The following CSMD1 variants were observed in gnomAD, a reference collection of about 807,000 sequenced individuals.
CSMD1 encodes CUB and sushi domain-containing protein 1.
Under a neutral mutation model 417.5 loss-of-function variants are expected in CSMD1, and 213 were observed. That is an observed-to-expected ratio of 0.51 (90% confidence interval 0.46 to 0.57). The LOEUF is 0.57. Ranked by LOEUF, CSMD1 falls within the 20% of genes least tolerant of loss-of-function variation. The pLI is 0.00. For synonymous variants in CSMD1, 2,862 were observed against 1,736.8 expected, an observed-to-expected ratio of 1.65 and a Z score of -16.11; for missense variants, 6,923 against 4,529.7, an observed-to-expected ratio of 1.53 and a Z score of -15.17.
chr8:3,579,947 T>C (rs998842152), intron 9 of CSMD1, among the ~76,000 whole-genome samples: 1 of 151,734 alleles, frequency 6.6e-6, no homozygotes, highest in Non-Finnish European at 1.5e-5. Flanking sequence ...CTACGAAACA[T>C]ACAAAAATTA....
rs13279785 is a variant in CSMD1 at position 4,401,626 on chromosome 8, G to A, written c.415+18327C>T. ...TCACCTCGGTCACCACAAGAATCCC[G>A]GATTCTGTGTCGTACCCGACCCTCC... is the stretch of plus-strand genomic sequence containing the variant. On this transcript the variant is annotated intron_variant, in intron 3 of 69. Coordinates refer to ENST00000635120, the MANE Select transcript of CSMD1 (RefSeq NM_033225.6). Among the ~76,000 whole-genome samples the A allele has an allele frequency of 8.5e-3, 1,296 of 152,094 alleles. 8 individuals carry two copies. The highest frequency in any genetic ancestry group is 0.012 in the Non-Finnish European group (845 of 67,988).
At chr8:4,238,244 C>G (rs1277125595) in intron 3 of CSMD1, among the ~76,000 whole-genome samples, 2 of 152,146 alleles carry the variant, frequency 1.3e-5, no homozygotes, top group East Asian at 1.9e-4. Flanking sequence ...TTCTATGTGC[C>G]AGACCCTGTG....
intron 4 of CSMD1, among the ~76,000 whole-genome samples, chr8:4,028,599 G>C (rs890301534): frequency 1.6e-4 from 25 of 152,206 alleles, no homozygotes; most frequent in African/African-American, 5.8e-4. Context: ...ATGACTTGCA[G>C]TGGAGCCTGT....
chr8:3,507,514 A>G (rs1008576386), intron 10 of CSMD1, among the ~76,000 whole-genome samples: 1 of 152,204 alleles, frequency 6.6e-6, no homozygotes. Context: ...CTTTGGGTAT[A>G]TACCTAGTAA....
intron 31 of CSMD1, among the ~76,000 whole-genome samples, chr8:3,204,334 G>T (rs1417517387): frequency 2.0e-5 from 3 of 151,640 alleles, no homozygotes; most frequent in Admixed American, 1.3e-4. Context: ...AATATATTTT[G>T]TCATGTTTCC....
chr8:3,877,829 AC>A, intron 5 of CSMD1, among the ~76,000 whole-genome samples: 1 of 152,324 alleles, frequency 6.6e-6, no homozygotes, highest in South Asian at 2.1e-4. Flanking sequence ...TATTTATAGA[AC>A]TGACTTAAAT....
At position 3,083,645 on chromosome 8, in the gene CSMD1, TATA is replaced by T. The variant is rs1174447730; in HGVS notation, c.7474+3449_7474+3451del. Among the ~76,000 whole-genome samples the T allele has an allele frequency of 7.5e-3, 215 of 28,682 alleles. 2 individuals are homozygous for T. Among genetic ancestry groups the T allele is most frequent in the Admixed American group, 0.048 (80 of 1,650 alleles). 18.8% of individuals were successfully genotyped at this position (28,682 alleles called of 152,430 possible). ...ATATATATATATATATATATATATA[TATA>T]TTTTTTTTTTTTTTTTTTTTTTTTT... On this transcript the variant is annotated intron_variant, in intron 49 of 69. Transcript: ENST00000635120.
chr8:4,346,775 G>A (rs1021186265), intron 3 of CSMD1, among the ~76,000 whole-genome samples: 1 of 152,060 alleles, frequency 6.6e-6, no homozygotes, highest in African/African-American at 2.4e-5. Context: ...ATTCAAAGGA[G>A]ACAAGTCAGT....
chr8:3,812,746 G>A (rs564264267), intron 5 of CSMD1, among the ~76,000 whole-genome samples: 1 of 152,118 alleles, frequency 6.6e-6, no homozygotes, highest in African/African-American at 2.4e-5. Context: ...ATCTCCCCAA[G>A]TCTTGCCTAT....
chr8:3,873,413 T>TGTCCTTGGCA (rs1330159319), intron 5 of CSMD1, among the ~76,000 whole-genome samples: 1 of 152,088 alleles, frequency 6.6e-6, no homozygotes, highest in Non-Finnish European at 1.5e-5. Flanking sequence ...GGCACATGGA[T>TGTCCTTGGCA]GGAACTGGAG....
intron 3 of CSMD1, among the ~76,000 whole-genome samples, chr8:4,337,720 T>A (rs1296618994): frequency 6.6e-6 from 1 of 152,142 alleles, no homozygotes; most frequent in African/African-American, 2.4e-5. Flanking sequence ...ACTCAAGTAT[T>A]TGCCATTGAC....
At chr8:3,136,197 TA>T (rs1286930413) in intron 41 of CSMD1, among the ~76,000 whole-genome samples, 2 of 151,994 alleles carry the variant, frequency 1.3e-5, no homozygotes, top group African/African-American at 4.8e-5. Context: ...CAATTATATG[TA>T]ACAGTGATAC....
intron 1 of CSMD1, among the ~76,000 whole-genome samples, chr8:4,725,502 G>C (rs545135844): frequency 6.6e-6 from 1 of 152,240 alleles, no homozygotes; most frequent in East Asian, 1.9e-4. Flanking sequence ...CTCCACAAGG[G>C]CATATCGCAC....
chr8:3,333,724 T>C, intron 23 of CSMD1, among the ~76,000 whole-genome samples: 1 of 152,246 alleles, frequency 6.6e-6, no homozygotes, highest in East Asian at 1.9e-4. Flanking sequence ...AGCATGGTTG[T>C]GAATAATTTT....
chr8:4,752,930 G>A lies in CSMD1; in HGVS notation c.86-115372C>T, dbSNP rs185780600. On this transcript the variant is annotated intron_variant, in intron 1 of 69. Coordinates refer to ENST00000635120, the MANE Select transcript of CSMD1 (RefSeq NM_033225.6). ...CAGCGCTATTACAGGGCTTCCCAGTGGCGTGATGATGCTCACAGCAGAGCC... is the reference window on the plus strand; with the variant it reads ...CAGCGCTATTACAGGGCTTCCCAGTAGCGTGATGATGCTCACAGCAGAGCC... Among the ~76,000 whole-genome samples, 12 of 152,244 alleles carry A rather than the reference G, an allele frequency of 7.9e-5. No homozygotes were observed. In the East Asian group the frequency reaches 1.9e-3, roughly 25 times the overall value.
chr8:3,704,050 G>A (rs1801024596), intron 7 of CSMD1, among the ~76,000 whole-genome samples: 1 of 152,150 alleles, frequency 6.6e-6, no homozygotes, highest in South Asian at 2.1e-4. Flanking sequence ...CAACCTGGGT[G>A]TCAGAGTGAA....
chr8:4,195,582 G>A (rs945485644), intron 3 of CSMD1, among the ~76,000 whole-genome samples: 3 of 152,126 alleles, frequency 2.0e-5, no homozygotes, highest in African/African-American at 7.2e-5. Flanking sequence ...AGAGGTGAGC[G>A]TTGTCACTGT....
chr8:4,278,701 C>G (rs1796619590), intron 3 of CSMD1, among the ~76,000 whole-genome samples: 1 of 152,122 alleles, frequency 6.6e-6, no homozygotes, highest in Admixed American at 6.5e-5. Context: ...AAATGGCTAA[C>G]AAAACCAGCT....
chr8:4,610,058 A>C (rs1801082762), intron 2 of CSMD1, among the ~76,000 whole-genome samples: 1 of 151,846 alleles, frequency 6.6e-6, no homozygotes, highest in Non-Finnish European at 1.5e-5. Flanking sequence ...ATATCATTTC[A>C]TCCAAATTCT....
Sources: gnomAD v4.1 joint callset for allele counts (sites outside exome capture counted in the v4.1 genomes callset) on GRCh38, gnomAD v4.1.1 for gene constraint, MANE v1.5 for transcripts, NCBI Gene and HGNC (gene_info 2026-07-23, HGNC 2026-07-21) for gene names.